The following NOL4 variants were observed in gnomAD, a reference collection of about 807,000 sequenced individuals.
NOL4 encodes cancer/testis antigen 125.
Under a neutral mutation model 75.9 loss-of-function variants are expected in NOL4, and 17 were observed. The observed-to-expected ratio is 0.22, with a 90% CI of 0.15 to 0.34. The LOEUF is 0.34. Among genes scored for constraint, NOL4 ranks in the 10% least tolerant of loss-of-function variants. The pLI is 1.00. For missense variants in NOL4, 614 were observed against 793.5 expected (o/e 0.77, Z 2.72); for synonymous variants, 292 against 289.9 (o/e 1.01, Z -0.07).
chr18:34,076,242 A>T (rs537619448), intron 5 of NOL4, among the ~76,000 whole-genome samples: 6 of 152,320 alleles, frequency 3.9e-5, no homozygotes, highest in Admixed American at 3.3e-4. Flanking sequence ...TTGGCAAAGC[A>T]GAACATGACC....
chr18:34,072,807 C>T (rs2077579485), intron 5 of NOL4, among the ~76,000 whole-genome samples: 2 of 152,042 alleles, frequency 1.3e-5, no homozygotes, highest in Admixed American at 1.3e-4. Flanking sequence ...AAAAATAAAA[C>T]CAAATATTTG....
chr18:34,134,887 C>T (rs2080828594), intron 1 of NOL4, among the ~76,000 whole-genome samples: 1 of 152,034 alleles, frequency 6.6e-6, no homozygotes, highest in Non-Finnish European at 1.5e-5. Flanking sequence ...CAAAGGAAAA[C>T]TAGAAATACT....
At chr18:34,189,829 G>C (rs1219007664) in intron 1 of NOL4, among the ~76,000 whole-genome samples, 1 of 151,782 alleles carries the variant, frequency 6.6e-6, no homozygotes, top group Non-Finnish European at 1.5e-5. Flanking sequence ...GAATCCAAAA[G>C]AGTCATATTG....
intron 2 of NOL4, among the ~76,000 whole-genome samples, chr18:34,123,567 CTATA>C (rs1336299171): frequency 1.4e-5 from 2 of 140,688 alleles, no homozygotes; most frequent in African/African-American, 2.7e-5. Context: ...ATATGGTTCT[CTATA>C]TATATATGAG....
chr18:33,860,363 A>G (rs1406456658), intron 10 of NOL4, among the ~76,000 whole-genome samples: 1 of 152,048 alleles, frequency 6.6e-6, no homozygotes, highest in Non-Finnish European at 1.5e-5. Context: ...CAAAACCTTA[A>G]CTCATTCCAG....
At chr18:34,136,041 T>C (rs1209248019) in intron 1 of NOL4, among the ~76,000 whole-genome samples, 4 of 152,124 alleles carry the variant, frequency 2.6e-5, no homozygotes, top group Admixed American at 2.6e-4. Context: ...TACAATGAAA[T>C]GAATTAATTT....
rs2069844720 is a variant in NOL4 at position 33,958,542 on chromosome 18, G to A, written c.1057-124C>T. ...TTTATGAGTTGATAACTCTAGAGCT[G>A]TGGTGATTTTAGTTTAAATAAAAAT... On this transcript the variant is annotated intron_variant, in intron 6 of 10. Transcript: ENST00000261592. 3 of 690,522 alleles carry A rather than the reference G, an allele frequency of 4.3e-6. No homozygotes were observed. In the Admixed American group the frequency reaches 9.8e-5, roughly 23 times the overall value. The allele number at this position is 690,522 out of a possible 1,614,324, so 42.8% of individuals were successfully genotyped here. A position where few individuals can be genotyped will look rare whatever the true frequency, so the allele number is the denominator to read the frequency against.
chr18:34,192,995 C>G (rs1209355623), intron 1 of NOL4, among the ~76,000 whole-genome samples: 1 of 152,144 alleles, frequency 6.6e-6, no homozygotes, highest in African/African-American at 2.4e-5. Flanking sequence ...CTTAGATTTT[C>G]TAACCTCCAG....
At chr18:33,875,008 A>G (rs143339151) in intron 10 of NOL4, among the ~76,000 whole-genome samples, 91 of 152,196 alleles carry the variant, frequency 6.0e-4, no homozygotes, top group African/African-American at 2.1e-3. Flanking sequence ...TATGGTCATT[A>G]TTACTACAAT....
intron 6 of NOL4, among the ~76,000 whole-genome samples, chr18:34,007,934 G>A (rs140912576): frequency 2.2e-4 from 34 of 152,020 alleles, no homozygotes; most frequent in South Asian, 1.2e-3. Context: ...ACTAGACTGC[G>A]CTATAGGGTG....
intron 9 of NOL4, among the ~76,000 whole-genome samples, chr18:33,900,181 C>T (rs748402859): frequency 2.0e-5 from 3 of 151,996 alleles, no homozygotes; most frequent in Admixed American, 6.6e-5. Context: ...TTTCATTCAT[C>T]GAGGAAGAAG....
intron 5 of NOL4, among the ~76,000 whole-genome samples, chr18:34,024,194 A>AAATATATATATATATATATATATATAT: frequency 9.1e-4 from 64 of 70,610 alleles, no homozygotes; most frequent in African/African-American, 1.8e-3. Context: ...AAAAAAAAAA[A>AAATATATATATATATATATATATATAT]ATATATATAT....
chr18:34,218,788 T>C (rs2037093537), intron 1 of NOL4, among the ~76,000 whole-genome samples: 1 of 152,224 alleles, frequency 6.6e-6, no homozygotes, highest in Non-Finnish European at 1.5e-5. Flanking sequence ...TATGATGATT[T>C]GTCTTTGTGT....
chr18:33,978,695 A>G (rs2071700357), intron 6 of NOL4, among the ~76,000 whole-genome samples: 1 of 152,046 alleles, frequency 6.6e-6, no homozygotes, highest in Admixed American at 6.6e-5. Context: ...CCTTATATAA[A>G]TGGCATAGTA....
intron 9 of NOL4, among the ~76,000 whole-genome samples, chr18:33,895,990 A>T (rs1173933732): frequency 6.6e-6 from 1 of 152,148 alleles, no homozygotes; most frequent in Non-Finnish European, 1.5e-5. Flanking sequence ...AAACACTAGC[A>T]TTCTTATACA....
chr18:34,203,533 C>G (rs1385596183), intron 1 of NOL4, among the ~76,000 whole-genome samples: 1 of 151,462 alleles, frequency 6.6e-6, no homozygotes, highest in African/African-American at 2.4e-5. Flanking sequence ...TATATTATAG[C>G]TTTGAAAATT....
At chr18:33,880,462 A>C (rs1259616796) in intron 10 of NOL4, among the ~76,000 whole-genome samples, 1 of 151,948 alleles carries the variant, frequency 6.6e-6, no homozygotes, top group Non-Finnish European at 1.5e-5. Flanking sequence ...ATACAGTTAA[A>C]TTTCTGACTT....
chr18:33,888,609 AG>A (rs1192872538), intron 9 of NOL4, among the ~76,000 whole-genome samples: 1 of 152,084 alleles, frequency 6.6e-6, no homozygotes, highest in Non-Finnish European at 1.5e-5. Context: ...TGTGTAAGGA[AG>A]GGATCCAGTT....
At chr18:34,049,566 A>G (rs2076540830) in intron 5 of NOL4, among the ~76,000 whole-genome samples, 1 of 152,072 alleles carries the variant, frequency 6.6e-6, no homozygotes, top group African/African-American at 2.4e-5. Flanking sequence ...TTCCCCTCCC[A>G]GCAGCAGAGG....
Sources: allele counts gnomAD v4.1 joint callset (sites outside exome capture counted in the v4.1 genomes callset), GRCh38; gene constraint gnomAD v4.1.1; transcripts MANE v1.5; gene names NCBI Gene and HGNC (gene_info 2026-07-23, HGNC 2026-07-21).